The following TNFSF4 variants were observed in gnomAD, a reference collection of about 807,000 sequenced individuals.
TNFSF4 encodes tumor necrosis factor ligand superfamily member 4.
In TNFSF4, 4 loss-of-function variants were observed where a neutral mutation model predicts 7.3. The observed-to-expected ratio is 0.55, with a 90% CI of 0.27 to 1.25. TNFSF4 has a LOEUF of 1.25. TNFSF4 is among the 50% of genes most tolerant of loss of function. The pLI is 0.12. For synonymous variants in TNFSF4, 76 were observed against 83.7 expected, an observed-to-expected ratio of 0.91 and a Z score of 0.50; for missense variants, 181 against 208.8, an observed-to-expected ratio of 0.87 and a Z score of 0.82.
chr1:173,332,515 A>G, the TNFSF4 span, among the ~76,000 whole-genome samples: 1 of 152,136 alleles, frequency 6.6e-6, no homozygotes, highest in South Asian at 2.1e-4. Flanking sequence ...TGGGTGATAG[A>G]GCAAGACTCT....
chr1:173,226,228 AG>A, the TNFSF4 span, among the ~76,000 whole-genome samples: 1 of 152,282 alleles, frequency 6.6e-6, no homozygotes, highest in East Asian at 1.9e-4. Flanking sequence ...CCTTATTCTT[AG>A]GCCCTTTGTC....
the TNFSF4 span, among the ~76,000 whole-genome samples, chr1:173,213,693 A>T: frequency 5.3e-4 from 80 of 152,368 alleles, no homozygotes; most frequent in African/African-American, 1.8e-3. Flanking sequence ...AACACAATCA[A>T]GATAAACTTA....
chr1:173,190,546 A>G (rs932595997), intron 1 of TNFSF4, among the ~76,000 whole-genome samples: 4 of 152,222 alleles, frequency 2.6e-5, no homozygotes, highest in Admixed American at 2.0e-4. Flanking sequence ...GAGCACATGG[A>G]GAGAGGCACT....
chr1:173,224,981 A>C, the TNFSF4 span, among the ~76,000 whole-genome samples: 1 of 152,230 alleles, frequency 6.6e-6, no homozygotes, highest in Middle Eastern at 3.4e-3. Context: ...CTGCAATCCA[A>C]AATAGGCTTT....
At chr1:173,335,428 C>A in the TNFSF4 span, among the ~76,000 whole-genome samples, 1 of 152,244 alleles carries the variant, frequency 6.6e-6, no homozygotes, top group African/African-American at 2.4e-5. Flanking sequence ...ATAGCCCCCA[C>A]TGGATTAGGA....
chr1:173,214,712 A>G, the TNFSF4 span, among the ~76,000 whole-genome samples: 2 of 152,204 alleles, frequency 1.3e-5, no homozygotes, highest in Non-Finnish European at 2.9e-5. Context: ...CTTAAATTAG[A>G]TCTTTTCTTT....
the TNFSF4 span, among the ~76,000 whole-genome samples, chr1:173,309,985 A>G: frequency 6.6e-6 from 1 of 151,918 alleles, no homozygotes; most frequent in Admixed American, 6.6e-5. Flanking sequence ...CATAATGTTC[A>G]TATGAGATTT....
the TNFSF4 span, among the ~76,000 whole-genome samples, chr1:173,435,544 T>G: frequency 6.6e-6 from 1 of 152,188 alleles, no homozygotes; most frequent in East Asian, 1.9e-4. Flanking sequence ...GAGCCCTCAC[T>G]AGGAACTAAC....
the TNFSF4 span, among the ~76,000 whole-genome samples, chr1:173,380,291 T>A: frequency 1.1e-4 from 17 of 152,134 alleles, no homozygotes; most frequent in Non-Finnish European, 2.5e-4. Context: ...TACATGAATA[T>A]GGGGAACAAG....
At chr1:173,434,560 G>A in the TNFSF4 span, among the ~76,000 whole-genome samples, 1 of 152,302 alleles carries the variant, frequency 6.6e-6, no homozygotes, top group East Asian at 1.9e-4. Context: ...GGATGTGCTG[G>A]GGAATGTGTT....
chr1:173,417,848 A>G, the TNFSF4 span: 5 of 152,308 alleles, frequency 3.3e-5, no homozygotes, highest in Admixed American at 6.5e-5. Flanking sequence ...TGAACTTTAA[A>G]GGAACACATT....
the TNFSF4 span, among the ~76,000 whole-genome samples, chr1:173,340,021 T>C: frequency 2.0e-5 from 3 of 152,082 alleles, no homozygotes; most frequent in Non-Finnish European, 4.4e-5. Flanking sequence ...TGCCCTCCCT[T>C]TACTATGATG....
chr1:173,234,624 G>A, the TNFSF4 span, among the ~76,000 whole-genome samples: 1 of 152,096 alleles, frequency 6.6e-6, no homozygotes, highest in Non-Finnish European at 1.5e-5. Context: ...CATAAAAAAG[G>A]ATGAGTTAGT....
the TNFSF4 span, among the ~76,000 whole-genome samples, chr1:173,433,954 C>T: frequency 1.5e-4 from 23 of 152,166 alleles, no homozygotes; most frequent in Admixed American, 1.4e-3. Flanking sequence ...TGGACACAGG[C>T]ATATGTAAAA....
chr1:173,200,463 A>G (rs1029815347), intron 1 of TNFSF4, among the ~76,000 whole-genome samples: 3 of 152,244 alleles, frequency 2.0e-5, no homozygotes, highest in African/African-American at 7.2e-5. Flanking sequence ...GTTTGAGTTT[A>G]GGTTTTATTG....
intron 1 of TNFSF4, among the ~76,000 whole-genome samples, chr1:173,189,357 T>C (rs183930599): frequency 2.3e-4 from 35 of 152,266 alleles, no homozygotes; most frequent in Admixed American, 1.5e-3. Context: ...GCATGTCTGG[T>C]CTTTCACTTT....
At chr1:173,303,138 A>C in the TNFSF4 span, among the ~76,000 whole-genome samples, 4 of 151,984 alleles carry the variant, frequency 2.6e-5, no homozygotes, top group East Asian at 7.8e-4. Context: ...CTGAGTTTTT[A>C]AGGATTCAGG....
chr1:173,344,847 C>T, the TNFSF4 span, among the ~76,000 whole-genome samples: 1 of 152,184 alleles, frequency 6.6e-6, no homozygotes, highest in Non-Finnish European at 1.5e-5. Context: ...TTCAATTAGA[C>T]AGGACTCTAC....
At chr1:173,316,428 AAC>A in the TNFSF4 span, among the ~76,000 whole-genome samples, 1 of 152,128 alleles carries the variant, frequency 6.6e-6, no homozygotes, top group Non-Finnish European at 1.5e-5. Flanking sequence ...GTTCCTCAAT[AAC>A]ACAGAATATA....
Sources: allele counts gnomAD v4.1 joint callset (sites outside exome capture counted in the v4.1 genomes callset), GRCh38; gene constraint gnomAD v4.1.1; transcripts MANE v1.5; gene names NCBI Gene and HGNC (gene_info 2026-07-23, HGNC 2026-07-21).